Variants in TTC17 observed in about 807,000 individuals in gnomAD.
TTC17 encodes the protein tetratricopeptide repeat protein 17.
TTC17 carries 58 observed loss-of-function variants against 143.8 expected under a neutral mutation model. That is an observed-to-expected ratio of 0.40 (90% CI 0.33 to 0.50). The LOEUF (loss-of-function observed/expected upper bound fraction) is 0.50, where lower values mean the gene tolerates loss of function less well. Among genes scored for constraint, TTC17 ranks in the 20% least tolerant of loss-of-function variants. The probability of loss-of-function intolerance (pLI) is 0.49; values close to 1 mark genes in which losing one functional copy is unlikely to be tolerated. For synonymous variants in TTC17, 501 were observed against 497.8 expected (o/e 1.01, Z -0.09); for missense variants, 1,273 against 1,392.5 (o/e 0.91, Z 1.37).
At position 43,489,966 on chromosome 11, in the gene TTC17, G is replaced by A. The variant is rs192460400; in HGVS notation, c.3031-273G>A. 3.2e-3 allele frequency: 764 copies of A among 242,350 alleles called. 1 individual carries two copies. Among genetic ancestry groups the A allele is most frequent in the African/African-American group, 0.016 (726 of 45,356 alleles). 15.0% of individuals were successfully genotyped at this position (242,350 alleles called of 1,614,324 possible). On this transcript the variant is annotated intron_variant, in intron 21 of 23. Transcript: ENST00000039989. ...GAACATAGATATGAGATATAGTTCTGCTATTCAGTAGTTGAGTGAACTTGG... is the reference window on the plus strand; with the variant it reads ...GAACATAGATATGAGATATAGTTCTACTATTCAGTAGTTGAGTGAACTTGG...
chr11:43,379,770 T>G (rs1475882653), intron 2 of TTC17, among the ~76,000 whole-genome samples: 1 of 152,214 alleles, frequency 6.6e-6, no homozygotes, highest in Non-Finnish European at 1.5e-5. Flanking sequence ...TTTCTTATGG[T>G]TGACGTGAAA....
chr11:43,380,510 C>T (rs1856924359), intron 2 of TTC17, among the ~76,000 whole-genome samples: 2 of 152,176 alleles, frequency 1.3e-5, no homozygotes, highest in South Asian at 4.2e-4. Flanking sequence ...CCACCTCGGC[C>T]TCCCAAAGTG....
At chr11:43,431,542 A>G (rs1284981177) in intron 16 of TTC17, among the ~76,000 whole-genome samples, 1 of 152,218 alleles carries the variant, frequency 6.6e-6, no homozygotes, top group East Asian at 1.9e-4. Flanking sequence ...TGAGTTGGCT[A>G]TAACTAAAAG....
At chr11:43,466,147 A>T (rs2134811535) in intron 21 of TTC17, among the ~76,000 whole-genome samples, 1 of 152,366 alleles carries the variant, frequency 6.6e-6, no homozygotes, top group African/African-American at 2.4e-5. Flanking sequence ...CAAAGATGAT[A>T]TGCAAACAGC....
intron 23 of TTC17, 123 bp downstream of exon 23, chr11:43,492,286 G>A: frequency 7.6e-7 from 1 of 1,308,280 alleles, no homozygotes; most frequent in South Asian, 1.6e-5. Flanking sequence ...AAAATTGCTG[G>A]TTCCACCAAT....
chr11:43,447,095 G>A (rs183978238), intron 18 of TTC17, among the ~76,000 whole-genome samples: 31 of 152,212 alleles, frequency 2.0e-4, no homozygotes, highest in African/African-American at 7.5e-4. Flanking sequence ...CAGGGTGGGA[G>A]GATCACTTGA....
intron 21 of TTC17, among the ~76,000 whole-genome samples, chr11:43,472,938 G>A (rs1948118524): frequency 6.6e-6 from 1 of 152,022 alleles, no homozygotes; most frequent in Non-Finnish European, 1.5e-5. Flanking sequence ...ACTTTGGGAG[G>A]CCAAGACCTG....
intron 16 of TTC17, among the ~76,000 whole-genome samples, chr11:43,430,286 G>C (rs957313785): frequency 6.6e-6 from 1 of 152,144 alleles, no homozygotes; most frequent in Non-Finnish European, 1.5e-5. Flanking sequence ...AAATTAGCCA[G>C]GTGTGGTGGC....
In TTC17 at chr11:43,386,232, A is replaced by G. The variant is rs1161115150; in HGVS notation, c.250-3420A>G. 2.0e-5 allele frequency among the ~76,000 whole-genome samples: 3 copies of G among 151,246 alleles called. No homozygotes were observed. The East Asian group carries it at 5.8e-4, about 29-fold the overall frequency. On this transcript the variant is annotated intron_variant, in intron 2 of 23. Coordinates refer to ENST00000039989, the MANE Select transcript of TTC17 (RefSeq NM_018259.6). ...AGTATGAAAAGTGAAACTTTTTACT[A>G]AAAAAAAATATTGATAGTCATGCAT...
At chr11:43,420,432 G>A (rs1946875237) in intron 16 of TTC17, among the ~76,000 whole-genome samples, 1 of 152,164 alleles carries the variant, frequency 6.6e-6, no homozygotes, top group South Asian at 2.1e-4. Flanking sequence ...CTGGATTATA[G>A]GGTGCAGTCA....
chr11:43,493,153 A>G (rs1177131262), intron 23 of TTC17, among the ~76,000 whole-genome samples: 2 of 152,264 alleles, frequency 1.3e-5, no homozygotes, highest in Non-Finnish European at 2.9e-5. Context: ...TCATTAAACC[A>G]GTAGATTTGG....
rs552328836 is a variant in TTC17 at position 43,412,953 on chromosome 11, A to T, written c.2065-1637A>T. On this transcript the variant is annotated intron_variant, in intron 15 of 23. Coordinates refer to ENST00000039989, the MANE Select transcript of TTC17 (RefSeq NM_018259.6). ...TTTGTGTATTGATAAGTTGATTCTA[A>T]TATCTACATAGAACTGGACCTAGAA... is the stretch of plus-strand genomic sequence containing the variant. Among the ~76,000 whole-genome samples, 4 of 150,866 alleles carry T rather than the reference A, an allele frequency of 2.7e-5. No homozygotes were observed. In the Admixed American group the frequency reaches 2.7e-4, roughly 10 times the overall value.
At chr11:43,401,995 A>G (rs1230749895) in intron 10 of TTC17, among the ~76,000 whole-genome samples, 1 of 114,870 alleles carries the variant, frequency 8.7e-6, no homozygotes, top group Non-Finnish European at 1.6e-5. Flanking sequence ...AAATAAATAA[A>G]TAAATAAATA....
intron 16 of TTC17, among the ~76,000 whole-genome samples, chr11:43,423,717 A>G (rs1201739809): frequency 6.6e-6 from 1 of 152,232 alleles, no homozygotes; most frequent in Non-Finnish European, 1.5e-5. Context: ...AAATTAGTGT[A>G]AGATTAGACT....
chr11:43,412,518 T>C (rs1271986300), intron 15 of TTC17, among the ~76,000 whole-genome samples: 1 of 152,072 alleles, frequency 6.6e-6, no homozygotes, highest in African/African-American at 2.4e-5. Context: ...AGATATACAA[T>C]ATTTATATAC....
At chr11:43,402,112 A>G (rs7949896) in intron 10 of TTC17, among the ~76,000 whole-genome samples, 14,930 of 152,210 alleles carry the variant, frequency 0.098, 2,486 homozygotes, top group African/African-American at 0.34. Flanking sequence ...CAATAACTCC[A>G]TGGATGCTTT....
At chr11:43,490,191 G>A (rs202213504) in intron 21 of TTC17, 48 bp from the exon 22 acceptor site, 181 of 1,571,288 alleles carry the variant, frequency 1.2e-4, no homozygotes, top group South Asian at 1.1e-3. Flanking sequence ...GGTAATAAAT[G>A]AGTATGTTCT....
chr11:43,492,782 C>T (rs2134499659), intron 23 of TTC17, among the ~76,000 whole-genome samples: 1 of 152,328 alleles, frequency 6.6e-6, no homozygotes, highest in South Asian at 2.1e-4. Context: ...TCATCCAGAT[C>T]CCTCATTCTG....
At chr11:43,428,318 G>A (rs1947075895) in intron 16 of TTC17, among the ~76,000 whole-genome samples, 1 of 151,928 alleles carries the variant, frequency 6.6e-6, no homozygotes, top group Non-Finnish European at 1.5e-5. Flanking sequence ...AAAAAAAATA[G>A]CTATGTCAGT....
Sources: allele counts gnomAD v4.1 joint callset (sites outside exome capture counted in the v4.1 genomes callset), GRCh38; gene constraint gnomAD v4.1.1; transcripts MANE v1.5; gene names NCBI Gene and HGNC (gene_info 2026-07-23, HGNC 2026-07-21).